TMEM63A: variants seen among roughly 807,000 people sequenced by gnomAD.
TMEM63A encodes transmembrane protein 63A.
In TMEM63A, 76 loss-of-function variants were observed where a neutral mutation model predicts 100.6. The ratio of observed to expected loss-of-function variants is 0.76; its 90% CI spans 0.63 to 0.91. The LOEUF (loss-of-function observed/expected upper bound fraction) is 0.91. Among genes scored for constraint, TMEM63A ranks in the 40% least tolerant of loss-of-function variants. The pLI is 0.00. For synonymous variants in TMEM63A, 401 were observed against 401.1 expected, an observed-to-expected ratio of 1.00 and a Z score of 0.00; for missense variants, 876 against 1,008.8, an observed-to-expected ratio of 0.87 and a Z score of 1.78.
intron 3 of TMEM63A, 130 bp downstream of exon 3, chr1:225,877,260 AGAGCT>A (rs1363305096): frequency 4.6e-5 from 46 of 990,738 alleles, no homozygotes; most frequent in Non-Finnish European, 6.6e-5. Flanking sequence ...CCTAAGTCAC[AGAGCT>A]GGTAAGCAGC....
At chr1:225,861,577 T>A (rs1293795302) in intron 13 of TMEM63A, 1 of 154,950 alleles carries the variant, frequency 6.5e-6, no homozygotes, top group Non-Finnish European at 1.4e-5. Context: ...AAGTCCTGTG[T>A]GAGTCCATTC....
chr1:225,854,056 G>A (rs1669490038), intron 18 of TMEM63A, among the ~76,000 whole-genome samples: 1 of 152,226 alleles, frequency 6.6e-6, no homozygotes. Context: ...ATCTGCTGGG[G>A]ACGGTGAGCA....
At position 225,848,567 on chromosome 1, in the gene TMEM63A, G is replaced by A; in HGVS notation, c.2188-13C>T. The A allele has an allele frequency of 1.2e-6, 2 of 1,613,770 alleles. No homozygotes were observed. The highest frequency in any genetic ancestry group is 2.2e-5 in the East Asian group (1 of 44,882). ...CAGGCTCTTCTGTCTGCAGATAACA[G>A]CAAAAACTTGCGATGATAAACAAAA... On this transcript the variant is annotated splice_polypyrimidine_tract_variant and intron_variant, in intron 22 of 24. Transcript: ENST00000366835.
intron 6 of TMEM63A, among the ~76,000 whole-genome samples, chr1:225,869,380 C>T (rs1670378038): frequency 6.6e-6 from 1 of 152,210 alleles, no homozygotes; most frequent in Admixed American, 6.5e-5. Flanking sequence ...TAAACTAACT[C>T]GCCTCCTGCT....
At chr1:225,857,395 G>A (rs867608450) in intron 15 of TMEM63A, among the ~76,000 whole-genome samples, 1 of 124,278 alleles carries the variant, frequency 8.0e-6, no homozygotes, top group Non-Finnish European at 1.6e-5. Flanking sequence ...GGGGGGGGGG[G>A]GGTGCCCTGC....
intron 4 of TMEM63A, among the ~76,000 whole-genome samples, chr1:225,872,310 C>T (rs1191503014): frequency 6.6e-6 from 1 of 152,172 alleles, no homozygotes; most frequent in Non-Finnish European, 1.5e-5. Context: ...GAAACCACAC[C>T]ACTGTGACTC....
chr1:225,865,813 CA>C lies in TMEM63A; in HGVS notation c.746+83del. 2 of 1,424,272 alleles carry C rather than the reference CA, an allele frequency of 1.4e-6. No individual in the cohort carries two copies. The highest frequency in any genetic ancestry group is 2.0e-6 in the Non-Finnish European group (2 of 1,023,854). 88.2% of individuals were successfully genotyped at this position (1,424,272 alleles called of 1,614,324 possible). On this transcript the variant is annotated intron_variant, in intron 10 of 24. Coordinates refer to ENST00000366835, the MANE Select transcript of TMEM63A (RefSeq NM_014698.3). The surrounding 1 kb of genome is among the most constrained non-coding windows in gnomAD (Gnocchi z 4.6). ...ACCCAAGCGAGAGACAGAAGGCGCT[CA>C]CCTAAGGTGCTCGCCCTGCGGGTGG...
At position 225,847,173 on chromosome 1, in the gene TMEM63A, C is replaced by A; in HGVS notation, c.2291G>T (p.Arg764Met). The change falls in exon 24 of 25, where the codon AGG (arginine) becomes ATG (methionine). Residue 764 changes from arginine (R) to methionine (M), a missense_variant. Coordinates refer to ENST00000366835, the MANE Select transcript of TMEM63A (RefSeq NM_014698.3). Reference protein sequence around the residue: ...PRILNGLASERTALSPQQQQQ... With the variant: ...PRILNGLASEMTALSPQQQQQ... Reference sequence around the variant, plus strand: ...CTGCTGCTGCGGAGACAGTGCTGTCCTCTCCGAGGCCAAGCCGTTCAGAAT... The same window carrying A: ...CTGCTGCTGCGGAGACAGTGCTGTCATCTCCGAGGCCAAGCCGTTCAGAAT... 6.2e-7 allele frequency: 1 copy of A among 1,613,410 alleles called. No homozygotes were observed.
At chr1:225,873,270 G>A (rs543450457) in intron 4 of TMEM63A, among the ~76,000 whole-genome samples, 14 of 152,262 alleles carry the variant, frequency 9.2e-5, no homozygotes, top group African/African-American at 2.2e-4. Context: ...TGAATGTGCC[G>A]TAAAGGCATC....
intron 3 of TMEM63A, among the ~76,000 whole-genome samples, chr1:225,874,721 C>A (rs1167173314): frequency 6.6e-6 from 1 of 152,230 alleles, no homozygotes; most frequent in African/African-American, 2.4e-5. Flanking sequence ...CTTCAGTGGC[C>A]CCGAGCAGGA....
intron 10 of TMEM63A, 179 bp from the exon 11 acceptor site, chr1:225,863,030 A>T: frequency 1.6e-6 from 1 of 625,878 alleles, no homozygotes; most frequent in Non-Finnish European, 2.8e-6. Context: ...AAATTTTGAA[A>T]TTTAATACAA....
rs766108250 is a variant in TMEM63A at position 225,848,872 on chromosome 1, G to A, written c.2187+25C>T. On this transcript the variant is annotated intron_variant, in intron 22 of 24. Transcript: ENST00000366835. The stretch of plus-strand genomic sequence containing the variant: ...CATCTGTTCCTCCCAGGGCTTGACC[G>A]GGCAGTGGGGTCGGGGGCCTTTACT... 4.0e-5 allele frequency: 61 copies of A among 1,539,316 alleles called. No homozygotes were observed. In the African/African-American group the frequency reaches 6.0e-4, roughly 15 times the overall value.
Position 225,867,049 on chromosome 1 carries a change from T to C in TMEM63A, c.566+63A>G. On this transcript the variant is annotated intron_variant, in intron 8 of 24. Coordinates refer to ENST00000366835, the MANE Select transcript of TMEM63A (RefSeq NM_014698.3). This position sits in a 1 kb window ranked among gnomAD's most constrained non-coding sequence, Gnocchi z 4.6. ...GGAGTACCTCTGGCCTGCCCCGGGC[T>C]CCTGACCTGCCTTCTCCTTGATCTC... The C allele has an allele frequency of 6.3e-7, 1 of 1,587,056 alleles. No individual in the cohort carries two copies. The highest frequency in any genetic ancestry group is 8.7e-7 in the Non-Finnish European group (1 of 1,155,578).
At chr1:225,842,145 A>G (rs1401521541), downstream of TMEM63A, among the ~76,000 whole-genome samples, 1 of 152,176 alleles carries the variant, frequency 6.6e-6, no homozygotes, top group Non-Finnish European at 1.5e-5. Flanking sequence ...GCCCTGGGAG[A>G]CAGTGGGAAG....
chr1:225,872,652 G>GC, intron 4 of TMEM63A, among the ~76,000 whole-genome samples: 1 of 150,316 alleles, frequency 6.7e-6, no homozygotes, highest in Non-Finnish European at 1.5e-5. Flanking sequence ...CTATAAATCT[G>GC]AGGTGTTTGC....
In TMEM63A at chr1:225,853,578, G is replaced by A. The variant is rs12077562; in HGVS notation, c.1797+51C>T. 6.9e-3 allele frequency: 10,295 copies of A among 1,483,382 alleles called. 595 individuals are homozygous for A. In the African/African-American group the frequency reaches 0.13, roughly 18 times the overall value. 91.9% of individuals were successfully genotyped at this position (1,483,382 alleles called of 1,614,324 possible). A position where few individuals can be genotyped will look rare whatever the true frequency, so the allele number is the denominator to read the frequency against. On this transcript the variant is annotated intron_variant, in intron 19 of 24. Coordinates refer to ENST00000366835, the MANE Select transcript of TMEM63A (RefSeq NM_014698.3). The surrounding 1 kb of genome is among the most constrained non-coding windows in gnomAD (Gnocchi z 4.0). Reference sequence around the variant, plus strand: ...GTGAGAGGCCCTCGGGTCAGTGAAGGGGGACATGGGAGGGAGTCAGAGGCA... The same window carrying A: ...GTGAGAGGCCCTCGGGTCAGTGAAGAGGGACATGGGAGGGAGTCAGAGGCA...
At chr1:225,858,314 GTTTGTTTTTTT>G (rs1482593682) in intron 15 of TMEM63A, among the ~76,000 whole-genome samples, 3 of 65,522 alleles carry the variant, frequency 4.6e-5, no homozygotes, top group East Asian at 6.4e-4. Context: ...ATACAGAATA[GTTTGTTTTTTT>G]TTTTTTTTTT....
chr1:225,858,105 C>A (rs74150531), intron 15 of TMEM63A, among the ~76,000 whole-genome samples: 4,252 of 152,104 alleles, frequency 0.028, 188 homozygotes, highest in African/African-American at 0.097. Context: ...GACAAGGAGG[C>A]CCACCTGCCC....
chr1:225,840,614 A>G (rs1433116416), downstream of TMEM63A, among the ~76,000 whole-genome samples: 3 of 152,276 alleles, frequency 2.0e-5, no homozygotes, highest in East Asian at 5.8e-4. Flanking sequence ...CCACAGAGTA[A>G]TATCAATTAA....
Sources: allele counts gnomAD v4.1 joint callset (sites outside exome capture counted in the v4.1 genomes callset), GRCh38; gene constraint gnomAD v4.1.1; non-coding constraint Gnocchi (gnomAD v3.1); transcripts MANE v1.5; gene names NCBI Gene and HGNC (gene_info 2026-07-23, HGNC 2026-07-21).